The following SPIN1 variants were observed in gnomAD, a reference collection of about 807,000 sequenced individuals.
SPIN1 encodes spindlin-1.
Under a neutral mutation model 26.0 loss-of-function variants are expected in SPIN1, and 3 were observed. The ratio of observed to expected loss-of-function variants is 0.12; its 90% CI spans 0.05 to 0.30. SPIN1 has a LOEUF of 0.30. Among genes scored for constraint, SPIN1 ranks in the 10% least tolerant of loss-of-function variants. The pLI, the probability that SPIN1 is intolerant of heterozygous loss-of-function variation, is 1.00. For synonymous variants in SPIN1, 101 were observed against 116.5 expected, an observed-to-expected ratio of 0.87 and a Z score of 0.86; for missense variants, 126 against 333.4, an observed-to-expected ratio of 0.38 and a Z score of 4.84.
intron 1 of SPIN1, among the ~76,000 whole-genome samples, chr9:88,409,932 C>T (rs914384840): frequency 2.2e-4 from 34 of 152,004 alleles, no homozygotes; most frequent in Non-Finnish European, 3.5e-4. Flanking sequence ...GATTCCAACT[C>T]GAAGGGAGGT....
At chr9:88,467,855 A>C (rs544740449) in intron 4 of SPIN1, among the ~76,000 whole-genome samples, 5 of 147,956 alleles carry the variant, frequency 3.4e-5, no homozygotes, top group African/African-American at 1.0e-4. Flanking sequence ...TAAAAAAAAA[A>C]AACAAAAAAA....
In SPIN1 at chr9:88,471,899, C is replaced by T. The variant is rs1446122377; in HGVS notation, c.590-3179C>T. ...AGGCTGGAGTATAGTGGCACGATCT[C>T]GGCTCATTGCAACCTCCGCCTCCCA... On this transcript the variant is annotated intron_variant, in intron 5 of 5. Transcript: ENST00000375859. 5.3e-5 allele frequency among the ~76,000 whole-genome samples: 8 copies of T among 151,710 alleles called. No homozygotes were observed. The South Asian group carries it at 1.3e-3, about 24-fold the overall frequency.
At chr9:88,440,869 G>T (rs1330371339) in intron 2 of SPIN1, among the ~76,000 whole-genome samples, 2 of 151,740 alleles carry the variant, frequency 1.3e-5, no homozygotes, top group Non-Finnish European at 2.9e-5. Flanking sequence ...ATGACACCGC[G>T]CCTGGCCTCT....
At chr9:88,463,182 A>C (rs1305607416) in intron 4 of SPIN1, among the ~76,000 whole-genome samples, 1 of 152,210 alleles carries the variant, frequency 6.6e-6, no homozygotes, top group Non-Finnish European at 1.5e-5. Context: ...TTTGAGCCAA[A>C]ATTTAAACAA....
chr9:88,404,317 T>A (rs889156928), intron 1 of SPIN1, among the ~76,000 whole-genome samples: 4 of 152,048 alleles, frequency 2.6e-5, no homozygotes, highest in African/African-American at 9.7e-5. Flanking sequence ...TATAGAAAAA[T>A]TTTTCTTCAA....
intron 1 of SPIN1, among the ~76,000 whole-genome samples, chr9:88,400,631 A>AG (rs1186331945): frequency 1.3e-5 from 2 of 152,156 alleles, no homozygotes; most frequent in Non-Finnish European, 1.5e-5. Flanking sequence ...GGATCACCTG[A>AG]GGTAAGGAGT....
intron 1 of SPIN1, among the ~76,000 whole-genome samples, chr9:88,398,506 C>G (rs1052004245): frequency 3.5e-4 from 53 of 152,090 alleles, no homozygotes; most frequent in African/African-American, 1.3e-3. Context: ...TTGAGGGTGT[C>G]TGGTTGGTTA....
In SPIN1 at chr9:88,475,915, T is replaced by TA. The variant is rs1008612808; in HGVS notation, c.*650dup. ...ACCATATGGGAACATTCAGCTTGTT[T>TA]AAAAAAAAAAAATCAGAAGTTCAGA... On this transcript the variant is annotated 3_prime_UTR_variant, in exon 6 of 6. Transcript: ENST00000375859. 4,063 of 146,972 alleles carry TA rather than the reference T, an allele frequency of 0.028. 140 individuals carry two copies. The highest frequency in any genetic ancestry group is 0.09 in the African/African-American group (3,625 of 40,382). 9.1% of individuals were successfully genotyped at this position (146,972 alleles called of 1,614,324 possible).
At chr9:88,422,161 T>TCC (rs1449018320) in intron 1 of SPIN1, among the ~76,000 whole-genome samples, 1 of 152,172 alleles carries the variant, frequency 6.6e-6, no homozygotes, top group East Asian at 1.9e-4. Flanking sequence ...GCAACCTTTC[T>TCC]CTTGATAGTT....
At chr9:88,459,219 G>T (rs1828530248) in intron 3 of SPIN1, among the ~76,000 whole-genome samples, 2 of 152,088 alleles carry the variant, frequency 1.3e-5, no homozygotes, top group Non-Finnish European at 2.9e-5. Flanking sequence ...TTGGATCTTT[G>T]GCTTAGAAAT....
chr9:88,394,019 T>C (rs1826997103), intron 1 of SPIN1, among the ~76,000 whole-genome samples: 2 of 152,048 alleles, frequency 1.3e-5, no homozygotes, highest in Admixed American at 1.3e-4. Flanking sequence ...GGCAAATTTT[T>C]TGTATTTTTA....
intron 3 of SPIN1, among the ~76,000 whole-genome samples, chr9:88,453,693 AT>A (rs1030705384): frequency 1.1e-4 from 16 of 151,972 alleles, no homozygotes; most frequent in African/African-American, 3.9e-4. Flanking sequence ...CGCCCGACTG[AT>A]TTTGTATTTT....
At chr9:88,407,765 CTT>C (rs57142193) in intron 1 of SPIN1, among the ~76,000 whole-genome samples, 6 of 140,338 alleles carry the variant, frequency 4.3e-5, no homozygotes, top group Admixed American at 7.1e-5. Flanking sequence ...ATCTCTCTCT[CTT>C]TTTTTTTTTT....
intron 5 of SPIN1, among the ~76,000 whole-genome samples, chr9:88,469,544 C>T (rs1828736146): frequency 6.6e-6 from 1 of 152,120 alleles, no homozygotes; most frequent in South Asian, 2.1e-4. Flanking sequence ...GAGTCTTGCT[C>T]TGTTGCTCAG....
intron 1 of SPIN1, among the ~76,000 whole-genome samples, chr9:88,414,139 A>G (rs1047199864): frequency 2.6e-5 from 4 of 152,200 alleles, no homozygotes; most frequent in South Asian, 4.1e-4. Flanking sequence ...GAGACAGGGT[A>G]TTAACCGGGA....
intron 1 of SPIN1, chr9:88,389,424 A>AATC (rs1393512907): frequency 6.6e-6 from 1 of 152,234 alleles, no homozygotes; most frequent in East Asian, 1.9e-4. Flanking sequence ...CGTTTTGAGT[A>AATC]ATGGCTTCAG....
At position 88,461,948 on chromosome 9, in the gene SPIN1, C is replaced by T. The variant is rs10512194; in HGVS notation, c.102-548C>T. On this transcript the variant is annotated intron_variant, in intron 3 of 5. Coordinates refer to ENST00000375859, the MANE Select transcript of SPIN1 (RefSeq NM_006717.3). ...CTATAGTGCATTGATATAAGCTAGT[C>T]TGGACTTCAGTTTAAGAGAAAATTG... Among the ~76,000 whole-genome samples the T allele has an allele frequency of 4.9e-3, 742 of 152,218 alleles. 19 individuals are homozygous for T. The highest frequency in any genetic ancestry group is 0.034 in the East Asian group (174 of 5,184).
At chr9:88,405,555 T>C (rs1364087133) in intron 1 of SPIN1, among the ~76,000 whole-genome samples, 13 of 142,572 alleles carry the variant, frequency 9.1e-5, no homozygotes, top group Middle Eastern at 7.6e-3. Flanking sequence ...TTTTTTTTTT[T>C]TCCCTGAGAC....
intron 1 of SPIN1, among the ~76,000 whole-genome samples, chr9:88,396,698 T>C (rs1374861787): frequency 6.6e-6 from 1 of 152,096 alleles, no homozygotes; most frequent in African/African-American, 2.4e-5. Context: ...TTGGTGTACA[T>C]ATAGCTTTAC....
Sources: allele counts gnomAD v4.1 joint callset (sites outside exome capture counted in the v4.1 genomes callset), GRCh38; gene constraint gnomAD v4.1.1; transcripts MANE v1.5; gene names NCBI Gene and HGNC (gene_info 2026-07-23, HGNC 2026-07-21).